DGKG: variants seen among roughly 807,000 people sequenced by gnomAD.
DGKG encodes DAG kinase gamma.
A neutral mutation model predicts 105.3 loss-of-function variants in DGKG; 78 were observed. The observed-to-expected ratio is 0.74, with a 90% CI of 0.62 to 0.89. The LOEUF (loss-of-function observed/expected upper bound fraction) is 0.89, where lower values mean the gene tolerates loss of function less well. Ranked by LOEUF, DGKG falls within the 40% of genes least tolerant of loss-of-function variation. DGKG has a pLI of 0.00. For synonymous variants in DGKG, 346 were observed against 367.1 expected, an observed-to-expected ratio of 0.94 and a Z score of 0.66; for missense variants, 958 against 1,020.1, an observed-to-expected ratio of 0.94 and a Z score of 0.83.
At chr3:186,268,296 G>C (rs1473994301) in intron 12 of DGKG, among the ~76,000 whole-genome samples, 1 of 152,246 alleles carries the variant, frequency 6.6e-6, no homozygotes, top group Non-Finnish European at 1.5e-5. Context: ...CTCAGTGGCT[G>C]CCAGTGGCAT....
Position 186,298,109 on chromosome 3 carries a change from C to A in DGKG, c.265G>T (p.Asp89Tyr). The A allele has an allele frequency of 6.2e-7, 1 of 1,613,960 alleles. No homozygotes were observed. The highest frequency in any genetic ancestry group is 2.2e-5 in the East Asian group (1 of 44,868). Residue 89 changes from aspartate to tyrosine, a missense_variant, in exon 4 of 25, where the codon GAC becomes TAC. Coordinates refer to ENST00000265022, the MANE Select transcript of DGKG (RefSeq NM_001346.3). ...FSQKPRHETS[D>Y]HPTEGASNSE... ...TTGCTGGCTCCCTCCGTCGGGTGGT[C>A]AGAGGTCTCGTGTCTGGGCTTCTGG... is the stretch of plus-strand genomic sequence containing the variant.
rs772459744 is a variant in DGKG at position 186,183,948 on chromosome 3, C to T, written c.2095+4254G>A. Among the ~76,000 whole-genome samples the T allele has an allele frequency of 7.9e-5, 12 of 152,318 alleles. No individual in the cohort carries two copies. The East Asian group carries it at 1.9e-3, about 25-fold the overall frequency. ...CGAACTCCCAACTTCAGGTGATCCACCTGCCTCGGCTTCCCAAAGTGCTGG... is the reference window on the plus strand; with the variant it reads ...CGAACTCCCAACTTCAGGTGATCCATCTGCCTCGGCTTCCCAAAGTGCTGG... On this transcript the variant is annotated intron_variant, in intron 22 of 24. Transcript: ENST00000265022.
In DGKG at chr3:186,334,072, T is replaced by A. The variant is rs1474730399; in HGVS notation, c.-248-13365A>T. 2.6e-5 allele frequency among the ~76,000 whole-genome samples: 4 copies of A among 152,262 alleles called. No individual in the cohort carries two copies. In the East Asian group the frequency reaches 7.7e-4, roughly 29 times the overall value. On this transcript the variant is annotated intron_variant, in intron 1 of 24. Transcript: ENST00000265022. ...CAACGCCTGATCTCCTATTCTCTAA[T>A]TCTCCTTTCCTTTTCCTCATCCCCT...
chr3:186,279,776 G>C, intron 9 of DGKG, 75 bp downstream of exon 9: 1 of 1,560,160 alleles, frequency 6.4e-7, no homozygotes, highest in South Asian at 1.2e-5. Context: ...AAGCCAAAGT[G>C]ATATGTTGAT....
Position 186,165,027 on chromosome 3 carries a change from C to T in DGKG, c.2096-9G>A, listed in dbSNP as rs746345041. On this transcript the variant is annotated splice_polypyrimidine_tract_variant and intron_variant, in intron 22 of 24. Transcript: ENST00000265022. ...GAGCTGGTCACTGAGGTCTGCAGAG[C>T]GAGACAGCAAAAGTAGTGCATACAC... The T allele has an allele frequency of 9.9e-6, 16 of 1,609,696 alleles. No individual in the cohort carries two copies. Among genetic ancestry groups the T allele is most frequent in the Admixed American group, 8.4e-5 (5 of 59,254 alleles).
At chr3:186,343,321 C>T (rs1726174809) in intron 1 of DGKG, among the ~76,000 whole-genome samples, 1 of 152,128 alleles carries the variant, frequency 6.6e-6, no homozygotes, top group Non-Finnish European at 1.5e-5. Flanking sequence ...GACAAAGTCT[C>T]ACTCTGTCAT....
chr3:186,192,932 G>A (rs534666700), intron 21 of DGKG, among the ~76,000 whole-genome samples: 7 of 152,208 alleles, frequency 4.6e-5, no homozygotes, highest in African/African-American at 1.4e-4. Flanking sequence ...CCTTTCTTCC[G>A]TACTACAGTT....
intron 6 of DGKG, among the ~76,000 whole-genome samples, chr3:186,288,110 T>A (rs564219029): frequency 6.6e-6 from 1 of 152,212 alleles, no homozygotes; most frequent in African/African-American, 2.4e-5. Flanking sequence ...CCTGAAGACA[T>A]GTTTTTAAAA....
In DGKG at chr3:186,203,749, C is replaced by T. The variant is rs538092796; in HGVS notation, c.1917+8046G>A. On this transcript the variant is annotated intron_variant, in intron 21 of 24. Transcript: ENST00000265022. This position sits in a 1 kb window ranked among gnomAD's most constrained non-coding sequence, Gnocchi z 4.9. The stretch of plus-strand genomic sequence containing the variant: ...TAATCAGGTTGGCCCTCTTATTTTC[C>T]ACGAACTCAAAATCCCTTCTAATGC... Among the ~76,000 whole-genome samples the T allele has an allele frequency of 3.3e-5, 5 of 152,298 alleles. No individual in the cohort carries two copies. In the South Asian group the frequency reaches 1.0e-3, roughly 32 times the overall value.
At chr3:186,220,629 T>A (rs573890976) in intron 20 of DGKG, among the ~76,000 whole-genome samples, 1 of 152,296 alleles carries the variant, frequency 6.6e-6, no homozygotes, top group Non-Finnish European at 1.5e-5. Context: ...GCCACCGGTA[T>A]GGCTGTAGGA....
At chr3:186,256,224 C>A (rs540008270) in intron 17 of DGKG, among the ~76,000 whole-genome samples, 2 of 152,230 alleles carry the variant, frequency 1.3e-5, no homozygotes, top group African/African-American at 2.4e-5. Context: ...CCATGGCAAC[C>A]AAAGCGCCCG....
chr3:186,299,840 T>TCC lies in DGKG; in HGVS notation c.145-1612_145-1611insGG, dbSNP rs1553815789. Among the ~76,000 whole-genome samples the TCC allele has an allele frequency of 3.4e-3, 271 of 80,740 alleles. 9 individuals are homozygous for TCC. The highest frequency in any genetic ancestry group is 0.013 in the African/African-American group (264 of 19,714). 53.0% of individuals were successfully genotyped at this position (80,740 alleles called of 152,430 possible). ...TTCTTTCTTTCTTTCTTTCTTTCTT[T>TCC]TTTTTTTTTTTTGAGATAGAGCCTT... On this transcript the variant is annotated intron_variant, in intron 3 of 24. Transcript: ENST00000265022.
Position 186,211,829 on chromosome 3 carries a change from G to A in DGKG, c.1883C>T (p.Thr628Ile). 6.2e-7 allele frequency: 1 copy of A among 1,614,146 alleles called. No individual in the cohort carries two copies. Among genetic ancestry groups the A allele is most frequent in the South Asian group, 1.1e-5 (1 of 91,084 alleles). The change falls in exon 21 of 25, where the codon ACC (threonine) becomes ATC (isoleucine). Residue 628 changes from threonine (T) to isoleucine (I), a missense_variant. Physicochemically the swap from Thr to Ile is moderately conservative, Grantham distance 89. Around this residue, in one of 2 missense-constraint regions of DGKG, gnomAD observed 315 missense variants for 400.6 expected, o/e 0.79. Transcript: ENST00000265022. ...EFGTSETFAA[T>I]CKKLHDHIEL... ...AATGTGGTCGTGGAGTTTCTTGCAG[G>A]TCGCTGCAAAAGTCTCCGAGGTGCC...
chr3:186,183,327 T>G (rs1168481288), intron 22 of DGKG, among the ~76,000 whole-genome samples: 1 of 152,228 alleles, frequency 6.6e-6, no homozygotes, highest in African/African-American at 2.4e-5. Context: ...GGAGGCTGGG[T>G]ATAACCTTGC....
chr3:186,198,371 G>C lies in DGKG; in HGVS notation c.1918-9992C>G, dbSNP rs139238170. ...ATAGGTAACAAGAGTAGGGCACATGGGGCATGTTTTATATGAGAGAGACAT... is the reference window on the plus strand; with the variant it reads ...ATAGGTAACAAGAGTAGGGCACATGCGGCATGTTTTATATGAGAGAGACAT... On this transcript the variant is annotated intron_variant, in intron 21 of 24. Coordinates refer to ENST00000265022, the MANE Select transcript of DGKG (RefSeq NM_001346.3). 6.1e-3 allele frequency among the ~76,000 whole-genome samples: 922 copies of C among 152,264 alleles called. 10 individuals are homozygous for C. Among genetic ancestry groups the C allele is most frequent in the African/African-American group, 0.02 (844 of 41,536 alleles).
intron 24 of DGKG, among the ~76,000 whole-genome samples, chr3:186,154,007 G>A (rs928981206): frequency 6.6e-6 from 1 of 152,128 alleles, no homozygotes; most frequent in African/African-American, 2.4e-5. Flanking sequence ...TGAGGTGAGA[G>A]GATCGCTTGA....
In DGKG at chr3:186,148,230, G is replaced by C; in HGVS notation, c.*1860C>G. 3 of 985,476 alleles carry C rather than the reference G, an allele frequency of 3.0e-6. No homozygotes were observed. Among genetic ancestry groups the C allele is most frequent in the Non-Finnish European group, 3.6e-6 (3 of 829,984 alleles). The allele number at this position is 985,476 out of a possible 1,614,324, so 61.0% of individuals were successfully genotyped here. On this transcript the variant is annotated 3_prime_UTR_variant, in exon 25 of 25. Coordinates refer to ENST00000265022, the MANE Select transcript of DGKG (RefSeq NM_001346.3). The stretch of plus-strand genomic sequence containing the variant: ...AATGAAGCCCACTGAGCTCTGCTGA[G>C]ACCCCTCTGTCCTGGCTGGCAGTAT...
intron 3 of DGKG, among the ~76,000 whole-genome samples, chr3:186,302,545 T>C (rs1257644604): frequency 3.0e-4 from 10 of 33,704 alleles, no homozygotes; most frequent in East Asian, 1.5e-3. Flanking sequence ...TATGTATATA[T>C]ATATATATAT....
chr3:186,228,764 C>G (rs1719981164), intron 20 of DGKG, among the ~76,000 whole-genome samples: 1 of 152,202 alleles, frequency 6.6e-6, no homozygotes, highest in Non-Finnish European at 1.5e-5. Flanking sequence ...GAAGTTTCAT[C>G]CTAGTCTCTC....
Sources: allele counts gnomAD v4.1 joint callset (sites outside exome capture counted in the v4.1 genomes callset), GRCh38; gene constraint gnomAD v4.1.1; regional missense constraint gnomAD v4.1.1; non-coding constraint Gnocchi (gnomAD v3.1); transcripts MANE v1.5; gene names NCBI Gene and HGNC (gene_info 2026-07-23, HGNC 2026-07-21).